SLC14A2: variants seen among roughly 807,000 people sequenced by gnomAD.
SLC14A2 encodes the protein solute carrier family 14 member 2.
In SLC14A2, 91 loss-of-function variants were observed where a neutral mutation model predicts 104.6. That is an observed-to-expected ratio of 0.87 (90% CI 0.73 to 1.04). The LOEUF (loss-of-function observed/expected upper bound fraction) is 1.04. Among genes scored for constraint, SLC14A2 ranks in the 50% least tolerant of loss-of-function variants. SLC14A2 has a pLI of 0.00. For missense variants in SLC14A2, 1,189 were observed against 1,156.0 expected (o/e 1.03, Z -0.41); for synonymous variants, 476 against 466.4 (o/e 1.02, Z -0.27).
chr18:45,414,757 A>AAAAAAAAAAATATATAT (rs1360051908), intron 1 of SLC14A2, among the ~76,000 whole-genome samples: 18 of 76,098 alleles, frequency 2.4e-4, no homozygotes, highest in African/African-American at 1.0e-3. Flanking sequence ...AAAAAAAAAA[A>AAAAAAAAAAATATATAT]ATATATATAT....
the SLC14A2 span, among the ~76,000 whole-genome samples, chr18:45,188,466 G>A: frequency 6.6e-6 from 1 of 152,120 alleles, no homozygotes; most frequent in African/African-American, 2.4e-5. Context: ...AGACAAGGGT[G>A]GTCTAGGACT....
At position 45,682,378 on chromosome 18, in the gene SLC14A2, G is replaced by A; in HGVS notation, c.2622G>A (p.Leu874=). 1 of 1,614,096 alleles carries A rather than the reference G, an allele frequency of 6.2e-7. No individual in the cohort carries two copies. The highest frequency in any genetic ancestry group is 1.1e-5 in the South Asian group (1 of 91,064). ...FCLSALTFLL[L]TTNNPAIYKL... The stretch of plus-strand genomic sequence containing the variant: ...TCTCAGCTCTCACCTTCCTGCTCCT[G>A]ACGACCAATAACCCCGCCATCTACA... Residue 874 remains leucine, a synonymous_variant, in exon 20 of 20, where the codon CTG becomes CTA. Transcript: ENST00000255226.
intron 2 of SLC14A2, among the ~76,000 whole-genome samples, chr18:45,536,770 A>G (rs952331007): frequency 1.3e-5 from 2 of 152,226 alleles, no homozygotes; most frequent in East Asian, 3.8e-4. Flanking sequence ...CAAGGAGGTA[A>G]AAATATCCAG....
chr18:45,208,541 G>GGA (rs2083934225), upstream of SLC14A2, among the ~76,000 whole-genome samples: 3 of 152,176 alleles, frequency 2.0e-5, no homozygotes, highest in South Asian at 6.2e-4. Context: ...GAAGGGAGAA[G>GGA]GAGAGACGTT....
chr18:45,287,138 C>T (rs1204172412), intron 1 of SLC14A2, among the ~76,000 whole-genome samples: 1 of 152,204 alleles, frequency 6.6e-6, no homozygotes, highest in Non-Finnish European at 1.5e-5. Flanking sequence ...CCTAAATAGC[C>T]TCTGGAAGGT....
chr18:45,637,163 C>G lies in SLC14A2; in HGVS notation c.824C>G (p.Thr275Arg), dbSNP rs200147038. 30 of 1,614,030 alleles carry G rather than the reference C, an allele frequency of 1.9e-5. No homozygotes were observed. The South Asian group carries it at 3.2e-4, about 17-fold the overall frequency. Residue 275 changes from threonine to arginine, a missense_variant, in exon 6 of 20, where the codon ACA becomes AGA. Coordinates refer to ENST00000255226, the MANE Select transcript of SLC14A2 (RefSeq NM_007163.4). Reference sequence around the variant, plus strand: ...TCTTCAGTGCCCAATATCACCTGGACAGAGATGGAAATGCCCCTGGTAAGT... The same window carrying G: ...TCTTCAGTGCCCAATATCACCTGGAGAGAGATGGAAATGCCCCTGGTAAGT... ...PVSSVPNITW[T>R]EMEMPLLLQA... is the part of the protein sequence containing the mutation.
chr18:45,541,360 C>T (rs1391080506), intron 2 of SLC14A2, among the ~76,000 whole-genome samples: 2 of 152,218 alleles, frequency 1.3e-5, no homozygotes, highest in East Asian at 1.9e-4. Flanking sequence ...CCAAGACCAT[C>T]GCATTAGCCA....
At chr18:45,665,515 T>C (rs1234824297) in intron 11 of SLC14A2, among the ~76,000 whole-genome samples, 1 of 151,912 alleles carries the variant, frequency 6.6e-6, no homozygotes, top group African/African-American at 2.4e-5. Context: ...CCACCAGCCA[T>C]TGCTACTACA....
intron 1 of SLC14A2, among the ~76,000 whole-genome samples, chr18:45,346,885 C>A (rs2085453571): frequency 6.6e-6 from 1 of 151,566 alleles, no homozygotes; most frequent in South Asian, 2.1e-4. Flanking sequence ...TCACTTGAAT[C>A]CGAGAGGCAG....
At chr18:45,597,442 T>C (rs2144403607) in intron 2 of SLC14A2, among the ~76,000 whole-genome samples, 1 of 152,350 alleles carries the variant, frequency 6.6e-6, no homozygotes, top group African/African-American at 2.4e-5. Context: ...GACCCTGCTC[T>C]AGGGAAGGCC....
chr18:45,189,113 T>A, the SLC14A2 span, among the ~76,000 whole-genome samples: 1 of 152,192 alleles, frequency 6.6e-6, no homozygotes, highest in Non-Finnish European at 1.5e-5. Flanking sequence ...CTGATTTATG[T>A]AAAAAGCTAG....
chr18:45,433,176 G>A (rs2086543977), intron 1 of SLC14A2, among the ~76,000 whole-genome samples: 1 of 152,086 alleles, frequency 6.6e-6, no homozygotes, highest in African/African-American at 2.4e-5. Context: ...CCAAGGGACT[G>A]CAGGCAGGAT....
intron 2 of SLC14A2, among the ~76,000 whole-genome samples, chr18:45,545,307 T>C (rs2043953367): frequency 6.6e-6 from 1 of 152,232 alleles, no homozygotes; most frequent in South Asian, 2.1e-4. Flanking sequence ...TAGGTGGAGC[T>C]GGATGGAAGC....
At chr18:45,245,147 A>G (rs1273081669) in intron 1 of SLC14A2, among the ~76,000 whole-genome samples, 1 of 152,210 alleles carries the variant, frequency 6.6e-6, no homozygotes. Flanking sequence ...AGGAGGATCA[A>G]GGAGTGTATA....
chr18:45,555,984 G>A (rs1412799377), intron 2 of SLC14A2, among the ~76,000 whole-genome samples: 1 of 152,106 alleles, frequency 6.6e-6, no homozygotes, highest in Non-Finnish European at 1.5e-5. Flanking sequence ...ACCATAGACT[G>A]GGTGGCTTAT....
chr18:45,334,787 A>G (rs976755719), intron 1 of SLC14A2, among the ~76,000 whole-genome samples: 13 of 152,130 alleles, frequency 8.5e-5, no homozygotes, highest in Non-Finnish European at 7.4e-5. Flanking sequence ...GCCCTAGGTG[A>G]ATGGTGACTG....
At chr18:45,427,015 A>G (rs2086443337) in intron 1 of SLC14A2, among the ~76,000 whole-genome samples, 1 of 152,136 alleles carries the variant, frequency 6.6e-6, no homozygotes, top group South Asian at 2.1e-4. Context: ...GAGTTGGGGA[A>G]ATATTTGTAT....
chr18:45,637,656 G>T (rs934263131), intron 6 of SLC14A2, among the ~76,000 whole-genome samples: 1 of 152,158 alleles, frequency 6.6e-6, no homozygotes, highest in Non-Finnish European at 1.5e-5. Flanking sequence ...TGGTTCTCAG[G>T]CAGGGATAAT....
At chr18:45,305,709 TC>T (rs1396082582) in intron 1 of SLC14A2, among the ~76,000 whole-genome samples, 1 of 152,138 alleles carries the variant, frequency 6.6e-6, no homozygotes, top group Non-Finnish European at 1.5e-5. Context: ...GGTTTTTTTT[TC>T]CCCTGCCAGA....
Sources: gnomAD v4.1 joint callset for allele counts (sites outside exome capture counted in the v4.1 genomes callset) on GRCh38, gnomAD v4.1.1 for gene constraint, MANE v1.5 for transcripts, NCBI Gene and HGNC (gene_info 2026-07-23, HGNC 2026-07-21) for gene names.